VPS13A: variants seen among roughly 807,000 people sequenced by gnomAD.
VPS13A encodes intermembrane lipid transfer protein VPS13A.
Under a neutral mutation model 390.9 loss-of-function variants are expected in VPS13A, and 264 were observed. The ratio of observed to expected loss-of-function variants is 0.68; its 90% CI spans 0.61 to 0.75. The LOEUF (loss-of-function observed/expected upper bound fraction) is 0.75. Among genes scored for constraint, VPS13A ranks in the 30% least tolerant of loss-of-function variants. VPS13A has a pLI of 0.00. For synonymous variants in VPS13A, 1,231 were observed against 1,227.1 expected, an observed-to-expected ratio of 1.00 and a Z score of -0.07; for missense variants, 3,409 against 3,733.9, an observed-to-expected ratio of 0.91 and a Z score of 2.27.
At chr9:77,225,772 A>G (rs1823472813) in intron 13 of VPS13A, among the ~76,000 whole-genome samples, 154 bp from the exon 14 acceptor site, 2 of 152,174 alleles carry the variant, frequency 1.3e-5, no homozygotes. Context: ...ATTGCTTCCC[A>G]GAATTTAACA....
Position 77,201,384 on chromosome 9 carries a change from T to A in VPS13A, c.164T>A (p.Phe55Tyr). The A allele has an allele frequency of 6.2e-7, 1 of 1,610,076 alleles. No homozygotes were observed. The highest frequency in any genetic ancestry group is 1.1e-5 in the South Asian group (1 of 90,932). Residue 55 changes from phenylalanine to tyrosine, a missense_variant, in exon 3 of 72, where the codon TTT becomes TAT. This residue lies in a region of VPS13A where 2,717 missense variants were observed against 2,917.4 expected (regional missense o/e 0.93). Transcript: ENST00000360280. ...ENALSQLDVP[F>Y]KVKVGHIGNL... ...CTGTAGAGTCAACTGGATGTACCAT[T>A]TAAAGTTAAAGTTGGTCACATAGGT...
chr9:77,179,041 T>G (rs1053154593), intron 1 of VPS13A, among the ~76,000 whole-genome samples: 2 of 152,192 alleles, frequency 1.3e-5, no homozygotes, highest in Non-Finnish European at 2.9e-5. Flanking sequence ...CCTGTTTGAT[T>G]AGTACAAGAA....
In VPS13A at chr9:77,387,920, A is replaced by G. The variant is rs189098539; in HGVS notation, c.9189+5833A>G. On this transcript the variant is annotated intron_variant, in intron 68 of 71. Coordinates refer to ENST00000360280, the MANE Select transcript of VPS13A (RefSeq NM_033305.3). ...TGTCTCAAGATTATAAATGACTGCT[A>G]TAGTAGCTACTAGTTTGTCTGATTT... is the stretch of plus-strand genomic sequence containing the variant. Among the ~76,000 whole-genome samples the G allele has an allele frequency of 3.1e-3, 473 of 152,262 alleles. 6 individuals carry two copies. Among genetic ancestry groups the G allele is most frequent in the Non-Finnish European group, 3.0e-3 (204 of 67,998 alleles).
At chr9:77,368,287 G>C in intron 62 of VPS13A, 151 bp downstream of exon 62, 1 of 711,248 alleles carries the variant, frequency 1.4e-6, no homozygotes, top group Admixed American at 2.9e-5. Flanking sequence ...ATTATAAAAA[G>C]AAATTAAGCT....
intron 35 of VPS13A, among the ~76,000 whole-genome samples, chr9:77,309,783 G>A (rs1828961816): frequency 6.6e-6 from 1 of 151,880 alleles, no homozygotes; most frequent in African/African-American, 2.4e-5. Context: ...TGAATCTACT[G>A]AGTTTCCAGC....
chr9:77,322,948 C>T (rs1254817490), intron 44 of VPS13A, 119 bp from the exon 45 acceptor site: 7 of 789,558 alleles, frequency 8.9e-6, no homozygotes, highest in Non-Finnish European at 4.0e-6. Context: ...TATCCAAAGA[C>T]TCTAGTGACT....
At chr9:77,217,639 A>AT (rs1157827863) in intron 10 of VPS13A, among the ~76,000 whole-genome samples, 1 of 151,904 alleles carries the variant, frequency 6.6e-6, no homozygotes, top group Non-Finnish European at 1.5e-5. Context: ...AAAAAATGTG[A>AT]TTTTCTTCTT....
Position 77,370,887 on chromosome 9 carries a change from T to C in VPS13A, c.8908-3T>C. 1 of 1,612,960 alleles carries C rather than the reference T, an allele frequency of 6.2e-7. No homozygotes were observed. The highest frequency in any genetic ancestry group is 1.1e-5 in the South Asian group (1 of 91,028). ...TAAATTTTCAGTTGTGTTTTCCTTC[T>C]AGGGATTTGTTAGTGGCATAACAGG... On this transcript the variant is annotated splice_polypyrimidine_tract_variant and splice_region_variant and intron_variant, in intron 65 of 71. Coordinates refer to ENST00000360280, the MANE Select transcript of VPS13A (RefSeq NM_033305.3).
rs938793156 is a variant in VPS13A at position 77,419,831 on chromosome 9, A to G, written c.*3825A>G. ...CCATCTACCTTTTGGCTGATTCACC[A>G]TACAGGTGGCAAAGGCCTTTAAAAA... On this transcript the variant is annotated 3_prime_UTR_variant, in exon 72 of 72. Coordinates refer to ENST00000360280, the MANE Select transcript of VPS13A (RefSeq NM_033305.3). 1.3e-5 allele frequency: 2 copies of G among 152,220 alleles called. No homozygotes were observed. 9.4% of individuals were successfully genotyped at this position (152,220 alleles called of 1,614,324 possible). A position where few individuals can be genotyped will look rare whatever the true frequency, so the allele number is the denominator to read the frequency against.
chr9:77,200,219 G>A (rs1479903155), intron 2 of VPS13A, among the ~76,000 whole-genome samples: 1 of 152,114 alleles, frequency 6.6e-6, no homozygotes, highest in African/African-American at 2.4e-5. Context: ...GGGCATGGTG[G>A]CTCATGCCTG....
intron 67 of VPS13A, among the ~76,000 whole-genome samples, chr9:77,372,721 T>C (rs897784232): frequency 3.3e-5 from 5 of 152,176 alleles, no homozygotes; most frequent in African/African-American, 1.2e-4. Context: ...GACATGATTG[T>C]ATATCTAGAA....
At position 77,286,113 on chromosome 9, in the gene VPS13A, CT is replaced by C. The variant is rs551295547; in HGVS notation, c.3339+2471del. 2.6e-5 allele frequency among the ~76,000 whole-genome samples: 4 copies of C among 151,970 alleles called. No individual in the cohort carries two copies. In the East Asian group the frequency reaches 5.8e-4, roughly 22 times the overall value. On this transcript the variant is annotated intron_variant, in intron 31 of 71. Transcript: ENST00000360280. ...TAGGAGGCACATAGTGTGTAGCTGT[CT>C]TTTTTTTCTTTTCTGTTTTGCACTG...
intron 1 of VPS13A, among the ~76,000 whole-genome samples, chr9:77,178,457 C>T (rs1286457864): frequency 6.6e-6 from 1 of 152,172 alleles, no homozygotes; most frequent in Non-Finnish European, 1.5e-5. Context: ...CAAACAGTTG[C>T]TTGTGTGGTT....
intron 68 of VPS13A, among the ~76,000 whole-genome samples, chr9:77,392,270 G>A (rs184432072): frequency 5.9e-4 from 90 of 152,140 alleles, no homozygotes; most frequent in African/African-American, 1.8e-3. Flanking sequence ...ACCAATGAAC[G>A]GTTAAAATGA....
At chr9:77,306,284 G>T (rs550434905) in intron 34 of VPS13A, among the ~76,000 whole-genome samples, 3 of 152,104 alleles carry the variant, frequency 2.0e-5, no homozygotes, top group Non-Finnish European at 4.4e-5. Flanking sequence ...TCTCCTTGGG[G>T]TCATAACAGC....
chr9:77,421,478 G>T lies in VPS13A; in HGVS notation c.*5472G>T, dbSNP rs1007617549. ...GGTATTGGTAGATTTGGATTGCATG[G>T]TAAGATGACTGCCCATTTTCACCAT... On this transcript the variant is annotated 3_prime_UTR_variant, in exon 72 of 72. Coordinates refer to ENST00000360280, the MANE Select transcript of VPS13A (RefSeq NM_033305.3). 6.6e-6 allele frequency: 1 copy of T among 152,070 alleles called. No homozygotes were observed. Among genetic ancestry groups the T allele is most frequent in the Non-Finnish European group, 1.5e-5 (1 of 68,028 alleles). The allele number at this position is 152,070 out of a possible 1,614,324, so 9.4% of individuals were successfully genotyped here.
chr9:77,226,672 T>C, intron 15 of VPS13A, 74 bp downstream of exon 15: 1 of 1,446,172 alleles, frequency 6.9e-7, no homozygotes, highest in Non-Finnish European at 9.6e-7. Flanking sequence ...TTTGCCTAAT[T>C]AAAGTAAATA....
rs542349364 is a variant in VPS13A, at chr9:77,366,885, T to C, written c.8471+13T>C. The stretch of plus-strand genomic sequence containing the variant: ...ATGTAGTTTTTAAGTATGTTTAGTA[T>C]TCAAATCTGTAAATTGATGGAAATA... On this transcript the variant is annotated intron_variant, in intron 61 of 71. Transcript: ENST00000360280. 22 of 1,610,116 alleles carry C rather than the reference T, an allele frequency of 1.4e-5. No homozygotes were observed. The South Asian group carries it at 1.4e-4, about 11-fold the overall frequency.
At chr9:77,216,068 A>G (rs961807245) in intron 10 of VPS13A, among the ~76,000 whole-genome samples, 6 of 152,200 alleles carry the variant, frequency 3.9e-5, no homozygotes, top group East Asian at 1.9e-4. Flanking sequence ...GCAGGAGTCT[A>G]TTGAATGAAC....
Sources: allele counts gnomAD v4.1 joint callset (sites outside exome capture counted in the v4.1 genomes callset), GRCh38; gene constraint gnomAD v4.1.1; regional missense constraint gnomAD v4.1.1; transcripts MANE v1.5; gene names NCBI Gene and HGNC (gene_info 2026-07-23, HGNC 2026-07-21).